Variants in ANO7 observed in about 807,000 individuals in gnomAD.
ANO7 encodes the protein anoctamin-7.
A neutral mutation model predicts 115.8 loss-of-function variants in ANO7; 114 were observed. The observed-to-expected ratio is 0.98, with a 90% CI of 0.85 to 1.15. ANO7 has a LOEUF of 1.15. Ranked by LOEUF, ANO7 falls within the 50% of genes most tolerant of loss-of-function variation. ANO7 has a pLI of 0.00. For synonymous variants in ANO7, 550 were observed against 498.2 expected, an observed-to-expected ratio of 1.10 and a Z score of -1.38; for missense variants, 1,302 against 1,201.2, an observed-to-expected ratio of 1.08 and a Z score of -1.24.
chr2:241,209,058 A>C (rs1276018078), intron 11 of ANO7, among the ~76,000 whole-genome samples: 1 of 152,206 alleles, frequency 6.6e-6, no homozygotes, highest in Non-Finnish European at 1.5e-5. Context: ...CTGAGGCAGG[A>C]GAATGGCGTG....
At chr2:241,235,460 G>A in the ANO7 span, 11 of 1,556,832 alleles carry the variant, frequency 7.1e-6, no homozygotes, top group African/African-American at 4.1e-5. Context: ...GGCCACTCCT[G>A]TGACATGGCC....
chr2:241,227,300 G>A (rs1002698238), downstream of ANO7: 2 of 152,486 alleles, frequency 1.3e-5, no homozygotes, highest in Middle Eastern at 3.2e-3. Flanking sequence ...ATCTGGTTTC[G>A]GGTTTTATTT....
downstream of ANO7, chr2:241,228,724 G>C (rs1242042063): frequency 6.5e-6 from 1 of 153,066 alleles, no homozygotes; most frequent in East Asian, 1.9e-4. Flanking sequence ...ACAGCAGCTA[G>C]GGCAGGGGCA....
At chr2:241,239,188 A>G in the ANO7 span, among the ~76,000 whole-genome samples, 1 of 152,200 alleles carries the variant, frequency 6.6e-6, no homozygotes. This position sits in a 1 kb window ranked among gnomAD's most constrained non-coding sequence, Gnocchi z 4.6. Context: ...ACGTCTTCTC[A>G]TGACTTCCCA....
chr2:241,237,850 A>G, the ANO7 span, among the ~76,000 whole-genome samples: 121,553 of 152,206 alleles, frequency 0.8, 48,746 homozygotes, highest in East Asian at 0.95. Context: ...AAACATAGAC[A>G]GAGTGCAGTA....
rs527525797 is a variant in ANO7, at chr2:241,217,866, T to C, written c.2153T>C (p.Leu718Pro). The change falls in exon 20 of 25, where the codon CTC (leucine) becomes CCC (proline). Residue 718 changes from leucine to proline, a missense_variant. Leu to Pro is a moderately conservative substitution (Grantham distance 98). Coordinates refer to ENST00000674324, the MANE Select transcript of ANO7 (RefSeq NM_001370694.2). ...ATCTGGTTCCACATCCTGGCGGGCC[T>C]CACGCACCTGGCGGTCATCAGCAAC... ...IGIWFHILAG[L>P]THLAVISNAF... 12 of 1,591,614 alleles carry C rather than the reference T, an allele frequency of 7.5e-6. No individual in the cohort carries two copies. The highest frequency in any genetic ancestry group is 1.0e-5 in the Non-Finnish European group (12 of 1,173,272).
downstream of ANO7, chr2:241,230,774 G>A (rs747488885): frequency 1.9e-6 from 3 of 1,614,174 alleles, no homozygotes; most frequent in Admixed American, 5.0e-5. The surrounding 1 kb of genome is among the most constrained non-coding windows in gnomAD (Gnocchi z 5.0). Flanking sequence ...ATTCGTCCAT[G>A]ATTTTGCGAA....
Position 241,200,561 on chromosome 2 carries a change from C to T in ANO7, c.554+336C>T, listed in dbSNP as rs149625494. On this transcript the variant is annotated intron_variant, in intron 6 of 24. Coordinates refer to ENST00000674324, the MANE Select transcript of ANO7 (RefSeq NM_001370694.2). Reference sequence around the variant, plus strand: ...GGCCCGGGCGATGGAGGCTCTGTCTCGTCACAGCGTCCCCAACTGTGGAGG... The same window carrying T: ...GGCCCGGGCGATGGAGGCTCTGTCTTGTCACAGCGTCCCCAACTGTGGAGG... Among the ~76,000 whole-genome samples, 55 of 152,314 alleles carry T rather than the reference C, an allele frequency of 3.6e-4. No homozygotes were observed. The South Asian group carries it at 4.3e-3, about 12-fold the overall frequency.
Position 241,189,968 on chromosome 2 carries a change from G to A in ANO7, c.-7-89G>A. 7.1e-6 allele frequency: 7 copies of A among 989,154 alleles called. No homozygotes were observed. The South Asian group carries it at 1.1e-4, about 15-fold the overall frequency. 61.3% of individuals were successfully genotyped at this position (989,154 alleles called of 1,614,324 possible). The stretch of plus-strand genomic sequence containing the variant: ...ACTCCGAGTCGAGTCTGTAAAGTGA[G>A]CTCACTGCAGGCAGTGTGGTGGCCC... On this transcript the variant is annotated intron_variant, in intron 1 of 24. Transcript: ENST00000674324.
downstream of ANO7, chr2:241,230,963 G>A (rs1188772096): frequency 9.3e-6 from 15 of 1,606,790 alleles, no homozygotes; most frequent in East Asian, 3.4e-4. The surrounding 1 kb of genome is among the most constrained non-coding windows in gnomAD (Gnocchi z 5.0). Flanking sequence ...GGAGAATGTA[G>A]TCAGAAAAGG....
chr2:241,190,989 C>T (rs1056066863), intron 2 of ANO7, among the ~76,000 whole-genome samples: 3 of 152,254 alleles, frequency 2.0e-5, no homozygotes, highest in African/African-American at 7.2e-5. Flanking sequence ...CCCGCGCCTG[C>T]GCATCCTGTG....
At chr2:241,209,941 C>G (rs946890094) in intron 13 of ANO7, among the ~76,000 whole-genome samples, 3 of 152,156 alleles carry the variant, frequency 2.0e-5, no homozygotes, top group Non-Finnish European at 2.9e-5. Context: ...TTCACTGCAC[C>G]CTGTCTTGCC....
rs150131533 is a variant in ANO7, at chr2:241,191,211, G to T, written c.126G>T (p.Ala42=). 5.0e-6 allele frequency: 8 copies of T among 1,613,770 alleles called. No homozygotes were observed. The highest frequency in any genetic ancestry group is 2.7e-5 in the African/African-American group (2 of 74,926). The part of the protein sequence containing the change: ...AHASEPGGQQ[A]AACRAGSPAK... ...CCTTCCAGCCAGGTGGACAGCAAGCGGCCGCCTGCAGAGCTGGGAGTCCTG... is the reference window on the plus strand; with the variant it reads ...CCTTCCAGCCAGGTGGACAGCAAGCTGCCGCCTGCAGAGCTGGGAGTCCTG... Residue 42 remains alanine, a synonymous_variant, in exon 3 of 25, where the codon GCG becomes GCT. Transcript: ENST00000674324.
chr2:241,240,056 C>G, the ANO7 span: 1 of 1,614,218 alleles, frequency 6.2e-7, no homozygotes, highest in African/African-American at 1.3e-5. The surrounding 1 kb of genome is among the most constrained non-coding windows in gnomAD (Gnocchi z 5.5). Context: ...TTGCCGCCCC[C>G]CTTGCCGATG....
intron 6 of ANO7, 81 bp from the exon 7 acceptor site, chr2:241,201,217 C>T (rs539005616): frequency 6.7e-6 from 10 of 1,502,762 alleles, no homozygotes; most frequent in South Asian, 6.4e-5. Context: ...TTCACATGCC[C>T]GCAGCTTCCT....
intron 21 of ANO7, 57 bp downstream of exon 21, chr2:241,218,438 G>C (rs2068923541): frequency 8.0e-7 from 1 of 1,252,784 alleles, no homozygotes; most frequent in African/African-American, 1.6e-5. Flanking sequence ...GGCGGAGCGG[G>C]GCTCGGGTGG....
intron 4 of ANO7, chr2:241,199,021 G>A: frequency 2.4e-6 from 1 of 411,498 alleles, no homozygotes; most frequent in Admixed American, 3.6e-5. Flanking sequence ...GGCCAGCAGG[G>A]CAAGGCTCTC....
intron 18 of ANO7, 123 bp from the exon 19 acceptor site, chr2:241,215,970 C>G: frequency 7.9e-7 from 1 of 1,272,016 alleles, no homozygotes; most frequent in East Asian, 2.4e-5. Flanking sequence ...GACCCCATCC[C>G]TCCCTGCTGC....
the ANO7 span, chr2:241,238,479 C>A: frequency 2.0e-6 from 1 of 497,840 alleles, no homozygotes; most frequent in Non-Finnish European, 3.5e-6. This position sits in a 1 kb window ranked among gnomAD's most constrained non-coding sequence, Gnocchi z 4.9. Flanking sequence ...CTGACGTGGT[C>A]CATCTTTTAA....
Sources: gnomAD v4.1 joint callset for allele counts (sites outside exome capture counted in the v4.1 genomes callset) on GRCh38, gnomAD v4.1.1 for gene constraint, Gnocchi (gnomAD v3.1) non-coding constraint, MANE v1.5 for transcripts, NCBI Gene and HGNC (gene_info 2026-07-23, HGNC 2026-07-21) for gene names.